MTUS1: variants seen among roughly 807,000 people sequenced by gnomAD.
MTUS1 encodes the protein microtubule-associated tumor suppressor 1.
In MTUS1, 109 loss-of-function variants were observed where a neutral mutation model predicts 120.8. The observed-to-expected ratio is 0.90, with a 90% confidence interval of 0.77 to 1.06. MTUS1 has a LOEUF of 1.06. Among genes scored for constraint, MTUS1 ranks in the 50% least tolerant of loss-of-function variants. MTUS1 has a pLI of 0.00. For missense variants in MTUS1, 2,210 were observed against 1,486.3 expected, an observed-to-expected ratio of 1.49 and a Z score of -8.01; for synonymous variants, 737 against 550.5, an observed-to-expected ratio of 1.34 and a Z score of -4.74.
intron 6 of MTUS1, among the ~76,000 whole-genome samples, chr8:17,692,781 T>A (rs1241166578): frequency 1.3e-5 from 2 of 152,142 alleles, no homozygotes; most frequent in East Asian, 1.9e-4. Flanking sequence ...TGTACAAGAA[T>A]CTGTACAATA....
At chr8:17,735,497 T>C (rs1341384288) in intron 3 of MTUS1, among the ~76,000 whole-genome samples, 1 of 152,210 alleles carries the variant, frequency 6.6e-6, no homozygotes, top group Non-Finnish European at 1.5e-5. Context: ...CATCTGTCAT[T>C]GACCCCGGGA....
At chr8:17,791,200 T>C (rs2051754299) in intron 1 of MTUS1, among the ~76,000 whole-genome samples, 1 of 152,160 alleles carries the variant, frequency 6.6e-6, no homozygotes, top group Non-Finnish European at 1.5e-5. Context: ...TCTCCTTCAG[T>C]ATAAAAGAAA....
chr8:17,697,994 T>A (rs1006601547), intron 6 of MTUS1, among the ~76,000 whole-genome samples: 1 of 152,122 alleles, frequency 6.6e-6, no homozygotes, highest in Non-Finnish European at 1.5e-5. Flanking sequence ...GTTTTTTTTT[T>A]AAAGACTTCA....
In MTUS1 at chr8:17,645,845, G is replaced by C. The variant is rs1805660606; in HGVS notation, c.*81C>G. On this transcript the variant is annotated 3_prime_UTR_variant, in exon 15 of 15. Transcript: ENST00000693296. ...TCACACGTGTGCTGATATACCTCTT[G>C]TGCCCACGTTCCTCCTTGGGGTCAG... 6.6e-7 allele frequency: 1 copy of C among 1,510,970 alleles called. No homozygotes were observed. The highest frequency in any genetic ancestry group is 1.4e-5 in the African/African-American group (1 of 72,834). The allele number at this position is 1,510,970 out of a possible 1,614,324, so 93.6% of individuals were successfully genotyped here.
At chr8:17,768,639 T>G (rs1173447280) in intron 1 of MTUS1, among the ~76,000 whole-genome samples, 1 of 152,158 alleles carries the variant, frequency 6.6e-6, no homozygotes, top group Admixed American at 6.5e-5. Context: ...AAGAGCCTTT[T>G]TGCAGCAATT....
chr8:17,685,292 C>CA (rs1336607556), intron 6 of MTUS1, among the ~76,000 whole-genome samples: 3 of 152,068 alleles, frequency 2.0e-5, no homozygotes, highest in Non-Finnish European at 4.4e-5. Context: ...CCTTCCTGTG[C>CA]AATGGTGCCC....
intron 3 of MTUS1, among the ~76,000 whole-genome samples, chr8:17,727,459 C>G (rs535249677): frequency 6.6e-6 from 1 of 152,176 alleles, no homozygotes; most frequent in African/African-American, 2.4e-5. Flanking sequence ...GGAGCTCTTA[C>G]TGGACAGGAG....
intron 6 of MTUS1, among the ~76,000 whole-genome samples, chr8:17,689,827 G>T (rs948344929): frequency 2.1e-5 from 3 of 145,512 alleles, no homozygotes; most frequent in African/African-American, 7.6e-5. Context: ...GGGAAAATTG[G>T]AACAGAGAAA....
At position 17,700,043 on chromosome 8, in the gene MTUS1, T is replaced by C. The variant is rs113901731; in HGVS notation, c.2623+13171A>G. On this transcript the variant is annotated intron_variant, in intron 6 of 14. Coordinates refer to ENST00000693296, the MANE Select transcript of MTUS1 (RefSeq NM_001363059.2). ...ATGTGAGAAGTACCTAAAAAAAGCATCTTTGTTATTTTTAAAAGTCTTAAT... is the reference window on the plus strand; with the variant it reads ...ATGTGAGAAGTACCTAAAAAAAGCACCTTTGTTATTTTTAAAAGTCTTAAT... Among the ~76,000 whole-genome samples the C allele has an allele frequency of 9.1e-4, 139 of 152,286 alleles. 1 individual carries two copies. The highest frequency in any genetic ancestry group is 3.2e-3 in the African/African-American group (133 of 41,558).
intron 1 of MTUS1, among the ~76,000 whole-genome samples, chr8:17,796,823 G>A (rs1224744619): frequency 2.0e-5 from 3 of 151,978 alleles, no homozygotes; most frequent in East Asian, 3.9e-4. Flanking sequence ...TTTTTAGGCC[G>A]GACTTTTAGG....
chr8:17,652,729 G>A (rs550219705), intron 12 of MTUS1, among the ~76,000 whole-genome samples: 5 of 151,898 alleles, frequency 3.3e-5, no homozygotes, highest in African/African-American at 4.8e-5. Context: ...CCAGCTACTC[G>A]GGAGGGTGAG....
At chr8:17,782,144 C>T (rs17125403) in intron 1 of MTUS1, among the ~76,000 whole-genome samples, 9,279 of 152,228 alleles carry the variant, frequency 0.061, 739 homozygotes, top group African/African-American at 0.18. Flanking sequence ...TTTCAAACAA[C>T]TCAATGATGG....
chr8:17,654,271 C>T (rs1342924861), intron 10 of MTUS1: 2 of 432,804 alleles, frequency 4.6e-6, no homozygotes, highest in East Asian at 8.0e-5. Flanking sequence ...CTTGTACTTG[C>T]CACTTCCCAG....
chr8:17,674,375 G>A (rs567143541), intron 8 of MTUS1: 29 of 729,024 alleles, frequency 4.0e-5, no homozygotes, highest in South Asian at 1.9e-4. Context: ...AGTCGAGATC[G>A]CACCACTGCA....
intron 2 of MTUS1, among the ~76,000 whole-genome samples, chr8:17,745,037 G>T (rs993765901): frequency 6.6e-6 from 1 of 152,124 alleles, no homozygotes; most frequent in Non-Finnish European, 1.5e-5. Context: ...GACCTCTTGA[G>T]GATGTGTCAT....
chr8:17,707,645 T>C (rs1471438137), intron 6 of MTUS1, among the ~76,000 whole-genome samples: 1 of 152,208 alleles, frequency 6.6e-6, no homozygotes, highest in East Asian at 1.9e-4. Flanking sequence ...GACAAGCTGA[T>C]CCTAAAATTC....
intron 6 of MTUS1, among the ~76,000 whole-genome samples, chr8:17,693,618 G>C (rs533100963): frequency 2.0e-5 from 3 of 152,204 alleles, no homozygotes; most frequent in African/African-American, 7.2e-5. Flanking sequence ...TTTCTCTGTC[G>C]GAAACACTTT....
intron 2 of MTUS1, among the ~76,000 whole-genome samples, chr8:17,746,490 A>G (rs540282672): frequency 1.3e-5 from 2 of 152,176 alleles, no homozygotes; most frequent in South Asian, 4.1e-4. Context: ...TGAAAGGTTC[A>G]TCTTACAAGG....
rs1252408965 is a variant in MTUS1, at chr8:17,673,050, C to T, written c.2905+2136G>A. 2.6e-5 allele frequency among the ~76,000 whole-genome samples: 4 copies of T among 152,292 alleles called. No individual in the cohort carries two copies. In the South Asian group the frequency reaches 8.3e-4, roughly 32 times the overall value. On this transcript the variant is annotated intron_variant, in intron 8 of 14. Coordinates refer to ENST00000693296, the MANE Select transcript of MTUS1 (RefSeq NM_001363059.2). Reference sequence around the variant, plus strand: ...CCTCTAGGTAGGCTCACCTCCACTTCCACTGGGTTATAATGAACTCTGAAA... The same window carrying T: ...CCTCTAGGTAGGCTCACCTCCACTTTCACTGGGTTATAATGAACTCTGAAA...
Sources: gnomAD v4.1 joint callset for allele counts (sites outside exome capture counted in the v4.1 genomes callset) on GRCh38, gnomAD v4.1.1 for gene constraint, MANE v1.5 for transcripts, NCBI Gene and HGNC (gene_info 2026-07-23, HGNC 2026-07-21) for gene names.